Variants in CFAP263 observed in about 807,000 individuals in gnomAD.
CFAP263 encodes cilia and flagella associated protein 263.
At chr16:58,280,663 C>T in the CFAP263 span, 2 of 1,614,046 alleles carry the variant, frequency 1.2e-6, no homozygotes, top group Non-Finnish European at 1.7e-6. Flanking sequence ...CAGAAACAGG[C>T]CAGGGCACGT....
chr16:58,266,887 T>A, the CFAP263 span, among the ~76,000 whole-genome samples: 1 of 152,138 alleles, frequency 6.6e-6, no homozygotes, highest in Non-Finnish European at 1.5e-5. Flanking sequence ...GGCGATGAGA[T>A]GGTGGTGGAG....
At chr16:58,267,825 T>A in the CFAP263 span, among the ~76,000 whole-genome samples, 1 of 152,134 alleles carries the variant, frequency 6.6e-6, no homozygotes, top group African/African-American at 2.4e-5. Flanking sequence ...AAACAAAAAT[T>A]TCGTACAGTC....
At chr16:58,268,612 C>T in the CFAP263 span, among the ~76,000 whole-genome samples, 3 of 152,222 alleles carry the variant, frequency 2.0e-5, no homozygotes, top group East Asian at 5.8e-4. Flanking sequence ...GGATTATTCA[C>T]ATCTAAGTTT....
chr16:58,280,063 G>T, the CFAP263 span: 1 of 705,564 alleles, frequency 1.4e-6, no homozygotes, highest in Non-Finnish European at 2.4e-6. Flanking sequence ...CCACACCTGG[G>T]AGAGGGATAG....
the CFAP263 span, among the ~76,000 whole-genome samples, chr16:58,278,312 G>T: frequency 1.3e-5 from 2 of 152,106 alleles, no homozygotes; most frequent in Non-Finnish European, 2.9e-5. Flanking sequence ...AAATATGTTT[G>T]GGAAAAAAAT....
the CFAP263 span, among the ~76,000 whole-genome samples, chr16:58,257,286 G>C: frequency 8.9e-6 from 1 of 111,850 alleles, no homozygotes; most frequent in East Asian, 4.3e-4. Flanking sequence ...CAAAGTGCTG[G>C]GATTACAGGC....
At chr16:58,256,702 A>G in the CFAP263 span, among the ~76,000 whole-genome samples, 22,108 of 152,150 alleles carry the variant, frequency 0.15, 2,092 homozygotes, top group East Asian at 0.33. Context: ...ATGTTCTACC[A>G]TGTGGAGATG....
At chr16:58,274,208 G>C in the CFAP263 span, among the ~76,000 whole-genome samples, 887 of 152,322 alleles carry the variant, frequency 5.8e-3, 5 homozygotes, top group Non-Finnish European at 0.01. Context: ...CTCTCAGAGG[G>C]CTCTTCTTAG....
the CFAP263 span, among the ~76,000 whole-genome samples, chr16:58,276,297 G>C: frequency 3.9e-5 from 6 of 152,330 alleles, no homozygotes; most frequent in Admixed American, 2.0e-4. Context: ...ACTGTAGTGA[G>C]AGAATGAGGG....
the CFAP263 span, among the ~76,000 whole-genome samples, chr16:58,256,496 C>T: frequency 2.0e-5 from 3 of 152,164 alleles, no homozygotes; most frequent in South Asian, 6.2e-4. Flanking sequence ...TGGGCACAAG[C>T]ATGACATTGA....
At chr16:58,260,295 G>C in the CFAP263 span, among the ~76,000 whole-genome samples, 41 of 152,260 alleles carry the variant, frequency 2.7e-4, no homozygotes, top group Admixed American at 7.2e-4. Context: ...AAATGACAAG[G>C]AAACAGAGTC....
At chr16:58,252,613 A>G in the CFAP263 span, 2 of 824,644 alleles carry the variant, frequency 2.4e-6, no homozygotes, top group African/African-American at 1.7e-5. Context: ...ATAGGTGAGG[A>G]AACTAAGGCA....
chr16:58,260,544 T>C, the CFAP263 span, among the ~76,000 whole-genome samples: 3 of 152,354 alleles, frequency 2.0e-5, no homozygotes, highest in South Asian at 6.2e-4. Context: ...GACATACTTG[T>C]TGGCCCTTTC....
the CFAP263 span, among the ~76,000 whole-genome samples, chr16:58,270,139 G>A: frequency 5.3e-5 from 8 of 152,150 alleles, no homozygotes; most frequent in South Asian, 2.1e-4. Context: ...TTTGAGAAAT[G>A]TCTAGTCAAG....
the CFAP263 span, chr16:58,258,537 C>T: frequency 5.6e-6 from 9 of 1,612,096 alleles, no homozygotes; most frequent in Admixed American, 3.3e-5. Context: ...AGTTGGCAGA[C>T]AGAGCTTAGA....
At chr16:58,275,344 A>G in the CFAP263 span, among the ~76,000 whole-genome samples, 2 of 152,140 alleles carry the variant, frequency 1.3e-5, no homozygotes, top group African/African-American at 4.8e-5. Flanking sequence ...ACAATACCAT[A>G]TTGGGAAGAT....
At chr16:58,261,440 T>C in the CFAP263 span, among the ~76,000 whole-genome samples, 1 of 152,174 alleles carries the variant, frequency 6.6e-6, no homozygotes, top group Non-Finnish European at 1.5e-5. Context: ...TCTTTAACCT[T>C]AATGCCGCTG....
chr16:58,258,392 C>T, the CFAP263 span: 28 of 1,613,634 alleles, frequency 1.7e-5, 1 homozygote, highest in African/African-American at 4.0e-5. Flanking sequence ...GGCTGAAATT[C>T]GATGGAGTGA....
At chr16:58,280,299 A>C in the CFAP263 span, 2 of 1,614,094 alleles carry the variant, frequency 1.2e-6, no homozygotes, top group South Asian at 2.2e-5. Flanking sequence ...ACCTGTTCTG[A>C]CCTGCAAAAA....
Sources: gnomAD v4.1 joint callset for allele counts (sites outside exome capture counted in the v4.1 genomes callset) on GRCh38, gnomAD v4.1.1 for gene constraint, MANE v1.5 for transcripts, NCBI Gene and HGNC (gene_info 2026-07-23, HGNC 2026-07-21) for gene names.